Variants in TLN2 observed in about 807,000 individuals in gnomAD.
TLN2 encodes talin 2.
Under a neutral mutation model 294.7 loss-of-function variants are expected in TLN2, and 118 were observed. The observed-to-expected ratio is 0.40, with a 90% confidence interval of 0.34 to 0.47. The LOEUF (loss-of-function observed/expected upper bound fraction) is 0.47, where lower values mean the gene tolerates loss of function less well. Among genes scored for constraint, TLN2 ranks in the 20% least tolerant of loss-of-function variants. The pLI, the probability that TLN2 is intolerant of heterozygous loss-of-function variation, is 0.84. For synonymous variants in TLN2, 1,431 were observed against 1,304.5 expected, an observed-to-expected ratio of 1.10 and a Z score of -2.09; for missense variants, 3,083 against 3,282.2, an observed-to-expected ratio of 0.94 and a Z score of 1.48.
chr15:62,712,158 G>A, intron 22 of TLN2, 81 bp downstream of exon 22: 1 of 1,518,232 alleles, frequency 6.6e-7, no homozygotes, highest in Non-Finnish European at 8.9e-7. Flanking sequence ...GATGGGGCAT[G>A]GTCATCCGAG....
intron 25 of TLN2, among the ~76,000 whole-genome samples, chr15:62,720,928 T>G (rs1373461732): frequency 6.6e-6 from 1 of 152,194 alleles, no homozygotes; most frequent in East Asian, 1.9e-4. Context: ...TATTTTTATC[T>G]TTAGGACTTT....
chr15:62,739,655 G>T (rs1012038086), intron 31 of TLN2, 110 bp downstream of exon 31: 7 of 1,314,738 alleles, frequency 5.3e-6, no homozygotes, highest in Admixed American at 2.3e-5. Flanking sequence ...GAAACAGGCA[G>T]GCCATGGTTG....
At chr15:62,787,817 G>T (rs370873623) in intron 45 of TLN2, among the ~76,000 whole-genome samples, 2 of 147,622 alleles carry the variant, frequency 1.4e-5, no homozygotes, top group African/African-American at 5.0e-5. Flanking sequence ...TCAGCCTCCT[G>T]AGTAGCTGAG....
chr15:62,702,280 C>G lies in TLN2; in HGVS notation c.1905+80C>G, dbSNP rs1017107942. 8.4e-6 allele frequency: 12 copies of G among 1,434,412 alleles called. No homozygotes were observed. In the African/African-American group the frequency reaches 1.6e-4, roughly 19 times the overall value. The allele number at this position is 1,434,412 out of a possible 1,614,324, so 88.9% of individuals were successfully genotyped here. A position where few individuals can be genotyped will look rare whatever the true frequency, so the allele number is the denominator to read the frequency against. The stretch of plus-strand genomic sequence containing the variant: ...TGGGGGACCATGGGGCTCTTGCTTC[C>G]CGAGCTGTTCCTTGCGTCTTGATGG... On this transcript the variant is annotated intron_variant, in intron 18 of 58. Transcript: ENST00000636159.
At chr15:62,588,646 T>C (rs1273199872) in intron 1 of TLN2, among the ~76,000 whole-genome samples, 1 of 133,188 alleles carries the variant, frequency 7.5e-6, no homozygotes, top group Non-Finnish European at 1.6e-5. Flanking sequence ...AAAAAATACA[T>C]ATATATATAC....
chr15:62,805,538 G>A, intron 50 of TLN2, 62 bp from the exon 51 acceptor site: 1 of 1,491,000 alleles, frequency 6.7e-7, no homozygotes, highest in East Asian at 2.4e-5. Flanking sequence ...GGTTGGAGAA[G>A]AATAAATTAT....
At chr15:62,671,370 G>C (rs1447942088) in intron 9 of TLN2, among the ~76,000 whole-genome samples, 1 of 152,064 alleles carries the variant, frequency 6.6e-6, no homozygotes, top group Non-Finnish European at 1.5e-5. Context: ...AGTTTGTAAA[G>C]ATTTACTCCT....
intron 12 of TLN2, among the ~76,000 whole-genome samples, chr15:62,691,671 C>T (rs1442748670): frequency 6.6e-6 from 1 of 151,988 alleles, no homozygotes; most frequent in East Asian, 1.9e-4. Context: ...TCCTAGACAT[C>T]TTGGTTATTA....
intron 1 of TLN2, among the ~76,000 whole-genome samples, chr15:62,490,691 G>A (rs1222301043): frequency 6.6e-6 from 1 of 151,998 alleles, no homozygotes; most frequent in Non-Finnish European, 1.5e-5. Context: ...TCTACCTGTG[G>A]AATTTTTTTG....
intron 19 of TLN2, among the ~76,000 whole-genome samples, chr15:62,703,666 G>T (rs1051719160): frequency 4.0e-5 from 6 of 151,082 alleles, no homozygotes; most frequent in African/African-American, 1.5e-4. Context: ...AAGAGAGAGA[G>T]AATTTCCTTT....
chr15:62,565,786 T>C (rs2043342463), intron 1 of TLN2, among the ~76,000 whole-genome samples: 1 of 152,182 alleles, frequency 6.6e-6, no homozygotes, highest in African/African-American at 2.4e-5. Context: ...TAATAAAATG[T>C]ATTTCCCGCC....
At chr15:62,697,012 G>A (rs1028545657) in intron 14 of TLN2, among the ~76,000 whole-genome samples, 12 of 152,212 alleles carry the variant, frequency 7.9e-5, no homozygotes, top group African/African-American at 2.2e-4. Context: ...TTTAATGAAT[G>A]TTCTTTCAGA....
intron 45 of TLN2, among the ~76,000 whole-genome samples, 175 bp from the exon 46 acceptor site, chr15:62,792,466 A>G (rs1390562875): frequency 2.0e-5 from 3 of 152,230 alleles, no homozygotes; most frequent in South Asian, 2.1e-4. Flanking sequence ...CAGTCTCTCA[A>G]AAGGGAAGCA....
chr15:62,748,521 A>G (rs2061739625), intron 33 of TLN2, 77 bp downstream of exon 33: 11 of 1,188,636 alleles, frequency 9.3e-6, no homozygotes, highest in Non-Finnish European at 1.1e-5. Flanking sequence ...CTGTCTGTCT[A>G]TGTCTGTGTC....
intron 1 of TLN2, among the ~76,000 whole-genome samples, chr15:62,409,896 A>AT (rs908938253): frequency 6.6e-6 from 1 of 152,106 alleles, no homozygotes; most frequent in Non-Finnish European, 1.5e-5. Flanking sequence ...TAAAGACAAG[A>AT]TTTTTAGTTC....
At position 62,649,903 on chromosome 15, in the gene TLN2, A is replaced by G. The variant is rs905978395; in HGVS notation, c.137-181A>G. ...TTGTGGGTGTTGCTTCTGCAACTCA[A>G]CTCTTACTCCTCCAGATCTGCTCCA... On this transcript the variant is annotated intron_variant, in intron 4 of 58. Transcript: ENST00000636159. The G allele has an allele frequency of 1.4e-5, 8 of 569,518 alleles. No individual in the cohort carries two copies. The Admixed American group carries it at 2.1e-4, about 15-fold the overall frequency. The allele number at this position is 569,518 out of a possible 1,614,324, so 35.3% of individuals were successfully genotyped here.
intron 51 of TLN2, among the ~76,000 whole-genome samples, chr15:62,806,007 A>G (rs959207963): frequency 6.6e-6 from 1 of 152,104 alleles, no homozygotes; most frequent in Non-Finnish European, 1.5e-5. Context: ...TGGGCAACAT[A>G]GTGAGACCTC....
intron 3 of TLN2, among the ~76,000 whole-genome samples, chr15:62,624,519 T>C (rs1442394831): frequency 2.6e-5 from 4 of 152,228 alleles, no homozygotes; most frequent in African/African-American, 4.8e-5. Flanking sequence ...TCATCATTCA[T>C]TGTTGACATT....
At chr15:62,631,230 A>G (rs1399758480) in intron 3 of TLN2, among the ~76,000 whole-genome samples, 2 of 151,982 alleles carry the variant, frequency 1.3e-5, no homozygotes, top group African/African-American at 4.8e-5. Context: ...CAGCCTTGTC[A>G]GAGCCAAATC....
Sources: allele counts gnomAD v4.1 joint callset (sites outside exome capture counted in the v4.1 genomes callset), GRCh38; gene constraint gnomAD v4.1.1; transcripts MANE v1.5; gene names NCBI Gene and HGNC (gene_info 2026-07-23, HGNC 2026-07-21).